TMEM232: variants seen among roughly 807,000 people sequenced by gnomAD.
The protein encoded by TMEM232 is transmembrane protein 232.
A neutral mutation model predicts 78.8 loss-of-function variants in TMEM232; 80 were observed. The ratio of observed to expected loss-of-function variants is 1.01; its 90% confidence interval spans 0.85 to 1.22. The LOEUF (loss-of-function observed/expected upper bound fraction) is 1.22. Among genes scored for constraint, TMEM232 ranks in the 50% most tolerant of loss-of-function variants. The pLI, the probability that TMEM232 is intolerant of heterozygous loss-of-function variation, is 0.00. For missense variants in TMEM232, 881 were observed against 742.2 expected (o/e 1.19, Z -2.17); for synonymous variants, 297 against 254.3 (o/e 1.17, Z -1.60).
chr5:110,398,795 C>G (rs1755485994), intron 2 of TMEM232, among the ~76,000 whole-genome samples: 2 of 151,942 alleles, frequency 1.3e-5, no homozygotes, highest in African/African-American at 4.8e-5. Context: ...TAAACATTAG[C>G]TGTAATTACT....
intron 2 of TMEM232, among the ~76,000 whole-genome samples, chr5:110,663,860 T>G (rs1330649558): frequency 6.6e-6 from 1 of 152,074 alleles, no homozygotes; most frequent in East Asian, 1.9e-4. Context: ...TATACTTAGC[T>G]GGGCACAATG....
chr5:110,485,315 T>C (rs771172330), intron 12 of TMEM232, among the ~76,000 whole-genome samples: 2 of 152,146 alleles, frequency 1.3e-5, no homozygotes, highest in Non-Finnish European at 2.9e-5. Context: ...TCAAGTGCTT[T>C]ATTTTTTCCA....
intron 12 of TMEM232, among the ~76,000 whole-genome samples, chr5:110,522,168 T>C (rs762001731): frequency 3.3e-5 from 5 of 152,184 alleles, no homozygotes; most frequent in African/African-American, 7.2e-5. Flanking sequence ...AAGTATTTTA[T>C]TCTTTTTCAT....
At chr5:110,587,394 G>A (rs752181601) in intron 10 of TMEM232, among the ~76,000 whole-genome samples, 3 of 152,028 alleles carry the variant, frequency 2.0e-5, no homozygotes, top group Non-Finnish European at 2.9e-5. Flanking sequence ...AACTCCAAAT[G>A]TGTAAATACT....
rs115841941 is a variant in TMEM232, at chr5:110,683,182, T to C, written c.-12-15818A>G. On this transcript the variant is annotated intron_variant, in intron 1 of 13. Transcript: ENST00000455884. Reference sequence around the variant, plus strand: ...TAAATGGACTAAGCAATAAATACTTTAAACATGAAAATATTCCAAAATTAG... The same window carrying C: ...TAAATGGACTAAGCAATAAATACTTCAAACATGAAAATATTCCAAAATTAG... Among the ~76,000 whole-genome samples the C allele has an allele frequency of 7.4e-3, 1,132 of 152,234 alleles. 13 individuals carry two copies. The highest frequency in any genetic ancestry group is 0.025 in the African/African-American group (1,057 of 41,558).
intron 4 of TMEM232, among the ~76,000 whole-genome samples, chr5:110,389,252 T>G (rs1168368625): frequency 8.1e-6 from 1 of 122,714 alleles, no homozygotes; most frequent in East Asian, 2.7e-4. Flanking sequence ...CAGAGTAAGA[T>G]TCCATCTCAA....
chr5:110,618,606 T>A, intron 7 of TMEM232, 44 bp from the exon 8 acceptor site: 1 of 1,502,480 alleles, frequency 6.7e-7, no homozygotes, highest in Non-Finnish European at 8.9e-7. Flanking sequence ...TATAAAAATA[T>A]ATGAGAAAGA....
chr5:110,658,959 T>C (rs528472302), intron 2 of TMEM232, among the ~76,000 whole-genome samples: 2 of 152,268 alleles, frequency 1.3e-5, no homozygotes, highest in Non-Finnish European at 2.9e-5. Flanking sequence ...AAGAAAGGTT[T>C]GATGAAAGCA....
At position 110,605,307 on chromosome 5, in the gene TMEM232, T is replaced by G. The variant is rs560150147; in HGVS notation, c.1078A>C (p.Ile360Leu). The G allele has an allele frequency of 6.4e-7, 1 of 1,550,778 alleles. No homozygotes were observed. The highest frequency in any genetic ancestry group is 1.4e-5 in the African/African-American group (1 of 73,146). ...DFSWAWNVVY[I>L]YTVILAEICL... ...ATTTCTGCAAGAATTACTGTATATA[T>G]GTAGACTACATTCCAGGCCCAGGAA... Residue 360 changes from isoleucine to leucine, a missense_variant, in exon 10 of 14, where the codon ATA (isoleucine) becomes CTA (leucine). Physicochemically the swap from Ile to Leu is conservative, Grantham distance 5 (BLOSUM62 2). Coordinates refer to ENST00000455884, the MANE Select transcript of TMEM232 (RefSeq NM_001039763.4).
intron 10 of TMEM232, among the ~76,000 whole-genome samples, chr5:110,576,017 C>T (rs907806548): frequency 1.4e-4 from 21 of 151,992 alleles, no homozygotes; most frequent in South Asian, 4.1e-4. Context: ...TCCAGGGGGC[C>T]GCGCAGTGAT....
At chr5:110,484,930 G>C (rs1764297557) in intron 12 of TMEM232, among the ~76,000 whole-genome samples, 1 of 151,814 alleles carries the variant, frequency 6.6e-6, no homozygotes, top group African/African-American at 2.4e-5. Context: ...ACCACAATGT[G>C]ATACCATCTT....
intron 11 of TMEM232, among the ~76,000 whole-genome samples, chr5:110,549,507 C>T (rs933552702): frequency 1.4e-5 from 2 of 147,344 alleles, no homozygotes; most frequent in African/African-American, 5.0e-5. Context: ...CTCAGCTACT[C>T]GGGAGGCTGA....
intron 6 of TMEM232, among the ~76,000 whole-genome samples, chr5:110,625,871 G>GTAATAAATAAATAAATAAATAAA (rs1334755735): frequency 6.6e-6 from 1 of 151,568 alleles, no homozygotes; most frequent in Non-Finnish European, 1.5e-5. Flanking sequence ...ACAATATGTT[G>GTAATAAATAAATAAATAAATAAA]TAAATAATAA....
intron 1 of TMEM232, chr5:110,720,619 C>A (rs1797496850): frequency 1.3e-5 from 2 of 152,114 alleles, no homozygotes; most frequent in Admixed American, 1.3e-4. Context: ...TTGATGCCAG[C>A]CTTCAGGATT....
intron 2 of TMEM232, among the ~76,000 whole-genome samples, chr5:110,642,740 T>C (rs1417921746): frequency 6.6e-6 from 1 of 152,100 alleles, no homozygotes; most frequent in Non-Finnish European, 1.5e-5. Flanking sequence ...TCATTTAAGC[T>C]AAACTTTTAC....
At chr5:110,698,023 A>T (rs531334464) in intron 1 of TMEM232, among the ~76,000 whole-genome samples, 1,562 of 152,298 alleles carry the variant, frequency 0.01, 24 homozygotes, top group African/African-American at 0.035. Flanking sequence ...AATAGCAAAG[A>T]CTTGGAACCA....
At chr5:110,589,160 A>T (rs1376481677) in intron 10 of TMEM232, among the ~76,000 whole-genome samples, 15 of 152,158 alleles carry the variant, frequency 9.9e-5, no homozygotes, top group Non-Finnish European at 1.2e-4. Flanking sequence ...AACAGTCTGG[A>T]TGCATACGGG....
rs1242917534 is a variant in TMEM232 at position 110,674,049 on chromosome 5, A to T, written c.-12-6685T>A. On this transcript the variant is annotated intron_variant, in intron 1 of 13. Coordinates refer to ENST00000455884, the MANE Select transcript of TMEM232 (RefSeq NM_001039763.4). ...AAATTCGTTTTCCAACTCCAACACA[A>T]ACTACAAAATATCTGAGAAAATGTA... Among the ~76,000 whole-genome samples, 4 of 151,896 alleles carry T rather than the reference A, an allele frequency of 2.6e-5. No homozygotes were observed. The East Asian group carries it at 7.7e-4, about 29-fold the overall frequency.
chr5:110,561,060 CAAAATTATTACAT>C (rs1221469494), intron 11 of TMEM232, among the ~76,000 whole-genome samples: 3 of 152,016 alleles, frequency 2.0e-5, no homozygotes, highest in Admixed American at 6.6e-5. Context: ...AAGCCAGAAG[CAAAATTATTACAT>C]AAAATTTATG....
Sources: gnomAD v4.1 joint callset for allele counts (sites outside exome capture counted in the v4.1 genomes callset) on GRCh38, gnomAD v4.1.1 for gene constraint, MANE v1.5 for transcripts, NCBI Gene and HGNC (gene_info 2026-07-23, HGNC 2026-07-21) for gene names.